The following PRAG1 variants were observed in gnomAD, a reference collection of about 807,000 sequenced individuals.
PRAG1 encodes PEAK1 related, kinase-activating pseudokinase 1, also known as inactive tyrosine-protein kinase PRAG1.
A neutral mutation model predicts 95.6 loss-of-function variants in PRAG1; 110 were observed. The observed-to-expected ratio is 1.15, with a 90% CI of 0.99 to 1.35. The LOEUF is 1.35. PRAG1 is among the 40% of genes most tolerant of loss of function. The pLI is 0.00. For synonymous variants in PRAG1, 1,052 were observed against 819.4 expected (o/e 1.28, Z -4.85); for missense variants, 2,554 against 1,864.7 (o/e 1.37, Z -6.81).
intron 2 of PRAG1, 116 bp from the exon 3 acceptor site, chr8:8,378,194 T>A: frequency 1.6e-6 from 2 of 1,241,944 alleles, no homozygotes; most frequent in East Asian, 5.0e-5. Context: ...TGTAGTGCAG[T>A]GCAGGGGCGC....
chr8:8,378,960 C>A lies in PRAG1; in HGVS notation c.331-882G>T, dbSNP rs555431705. ...GGAGGGTGAGGGGTGGTTTCTGAAC[C>A]GGATCAGGGTGAGGGGTGGTTTCTG... On this transcript the variant is annotated intron_variant, in intron 2 of 5. Coordinates refer to ENST00000615670, the MANE Select transcript of PRAG1 (RefSeq NM_001080826.3). 5.9e-4 allele frequency among the ~76,000 whole-genome samples: 88 copies of A among 149,628 alleles called. 1 individual carries two copies. In the Middle Eastern group the frequency reaches 0.025, roughly 43 times the overall value.
intron 3 of PRAG1, among the ~76,000 whole-genome samples, chr8:8,344,809 G>A (rs1463734786): frequency 6.6e-6 from 1 of 152,172 alleles, no homozygotes; most frequent in East Asian, 1.9e-4. Context: ...AACACAGTGG[G>A]ATTTCCATCA....
intron 5 of PRAG1, among the ~76,000 whole-genome samples, chr8:8,321,020 CA>C (rs1798455936): frequency 6.6e-6 from 1 of 152,244 alleles, no homozygotes; most frequent in South Asian, 2.1e-4. Flanking sequence ...CTTCCTATTA[CA>C]CTAACAAAAA....
At chr8:8,356,328 T>C (rs1799681111) in intron 3 of PRAG1, among the ~76,000 whole-genome samples, 1 of 152,102 alleles carries the variant, frequency 6.6e-6, no homozygotes, top group South Asian at 2.1e-4. Flanking sequence ...GAAATGTAAA[T>C]CATTATGAAA....
intron 3 of PRAG1, among the ~76,000 whole-genome samples, chr8:8,345,297 G>A (rs1001532455): frequency 5.3e-5 from 8 of 149,852 alleles, no homozygotes; most frequent in African/African-American, 4.9e-5. Flanking sequence ...TTAGGAGGCC[G>A]AGGTGGGAGG....
At position 8,358,774 on chromosome 8, in the gene PRAG1, G is replaced by T. The variant is rs1159428942; in HGVS notation, c.2162+17473C>A. ...ATCCCTTATGGGTGAAGTCCCTATT[G>T]CTTTGTCCTACCTCCACTGGCTGGA... is the stretch of plus-strand genomic sequence containing the variant. On this transcript the variant is annotated intron_variant, in intron 3 of 5. Coordinates refer to ENST00000615670, the MANE Select transcript of PRAG1 (RefSeq NM_001080826.3). Among the ~76,000 whole-genome samples, 4 of 152,332 alleles carry T rather than the reference G, an allele frequency of 2.6e-5. No individual in the cohort carries two copies. In the East Asian group the frequency reaches 7.7e-4, roughly 29 times the overall value.
At chr8:8,319,756 A>T (rs1339139825) in intron 5 of PRAG1, among the ~76,000 whole-genome samples, 1 of 152,234 alleles carries the variant, frequency 6.6e-6, no homozygotes, top group African/African-American at 2.4e-5. Flanking sequence ...GGAAAAAACA[A>T]ACAAACAAAC....
intron 4 of PRAG1, among the ~76,000 whole-genome samples, chr8:8,333,643 C>T (rs1160737368): frequency 6.6e-6 from 1 of 152,190 alleles, no homozygotes; most frequent in Non-Finnish European, 1.5e-5. Context: ...TTGTTCTCTG[C>T]AGCCAAAATG....
chr8:8,328,771 C>T (rs889805414), intron 4 of PRAG1, among the ~76,000 whole-genome samples: 4 of 150,214 alleles, frequency 2.7e-5, no homozygotes, highest in Non-Finnish European at 2.9e-5. Flanking sequence ...TGCCTGCACG[C>T]GTGCGCACAC....
In PRAG1 at chr8:8,381,472, G is replaced by A; in HGVS notation, c.276C>T (p.Ser92=). 6.2e-7 allele frequency: 1 copy of A among 1,614,250 alleles called. No individual in the cohort carries two copies. The highest frequency in any genetic ancestry group is 8.5e-7 in the Non-Finnish European group (1 of 1,180,046). ...PTIAVKPTMM[S]SEASDVWTEA... ...CTGTCCACACATCAGAGGCCTCGGAGCTCATCATGGTGGGCTTCACGGCAA... is the reference window on the plus strand; with the variant it reads ...CTGTCCACACATCAGAGGCCTCGGAACTCATCATGGTGGGCTTCACGGCAA... The change falls in exon 2 of 6, where the codon AGC becomes AGT. Residue 92 remains serine, a synonymous_variant. Coordinates refer to ENST00000615670, the MANE Select transcript of PRAG1 (RefSeq NM_001080826.3).
Position 8,376,328 on chromosome 8 carries a change from G to C in PRAG1, c.2081C>G (p.Ser694Cys), listed in dbSNP as rs372845746. The C allele has an allele frequency of 6.2e-7, 1 of 1,614,206 alleles. No individual in the cohort carries two copies. The highest frequency in any genetic ancestry group is 1.3e-5 in the African/African-American group (1 of 75,046). The change falls in exon 3 of 6, where the codon TCC (serine) becomes TGC (cysteine). Residue 694 changes from serine to cysteine, a missense_variant. By Grantham distance (112) the Ser-to-Cys change is moderately radical (BLOSUM62 -1). Coordinates refer to ENST00000615670, the MANE Select transcript of PRAG1 (RefSeq NM_001080826.3). ...NSKVGTGMSK[S>C]ASFAFEFPKD... ...GGGGAACTCAAAGGCAAAAGAGGCG[G>C]ATTTGCTCATCCCGGTCCCAACTTT...
At chr8:8,324,130 C>T (rs1033680501) in intron 5 of PRAG1, among the ~76,000 whole-genome samples, 2 of 152,202 alleles carry the variant, frequency 1.3e-5, no homozygotes, top group African/African-American at 2.4e-5. Context: ...CTGCTCTTGC[C>T]ATCTCGGCTG....
chr8:8,376,222 G>A, intron 3 of PRAG1, 25 bp downstream of exon 3: 1 of 1,602,024 alleles, frequency 6.2e-7, no homozygotes, highest in Non-Finnish European at 8.5e-7. Flanking sequence ...TGCAGACAGA[G>A]TCCCAGGCAG....
chr8:8,368,638 G>T (rs987904607), intron 3 of PRAG1, among the ~76,000 whole-genome samples: 9 of 152,100 alleles, frequency 5.9e-5, no homozygotes, highest in African/African-American at 2.2e-4. Context: ...CTACCAATTG[G>T]TGAGTTTCAC....
intron 3 of PRAG1, among the ~76,000 whole-genome samples, chr8:8,358,256 G>A (rs574438827): frequency 2.5e-4 from 38 of 152,320 alleles, no homozygotes; most frequent in African/African-American, 7.0e-4. Context: ...TGGGCAAGGC[G>A]TGTGGGAAGG....
In PRAG1 at chr8:8,333,907, G is replaced by C. The variant is rs536707610; in HGVS notation, c.2321-5446C>G. Among the ~76,000 whole-genome samples the C allele has an allele frequency of 4.6e-5, 7 of 152,328 alleles. No individual in the cohort carries two copies. In the East Asian group the frequency reaches 1.4e-3, roughly 29 times the overall value. On this transcript the variant is annotated intron_variant, in intron 4 of 5. Transcript: ENST00000615670. ...GCCCTAGTGCAATTCTCTCATGTGA[G>C]AGGTGAGAAAACTAAAGCCATCTGC...
At chr8:8,352,443 T>C (rs1011326133) in intron 3 of PRAG1, among the ~76,000 whole-genome samples, 4 of 152,182 alleles carry the variant, frequency 2.6e-5, no homozygotes, top group Non-Finnish European at 5.9e-5. Flanking sequence ...AGTTAATTCA[T>C]ACTACCTCTC....
intron 4 of PRAG1, among the ~76,000 whole-genome samples, chr8:8,338,499 A>G (rs1018274194): frequency 6.6e-6 from 1 of 152,244 alleles, no homozygotes; most frequent in African/African-American, 2.4e-5. Context: ...GGGAAAAGGA[A>G]GAAGATAAGA....
chr8:8,375,743 T>TCAAACA (rs1466173102), intron 3 of PRAG1, among the ~76,000 whole-genome samples: 1 of 151,946 alleles, frequency 6.6e-6, no homozygotes, highest in Admixed American at 6.6e-5. Context: ...TAGGCTGGTC[T>TCAAACA]CAAACACCTG....
Sources: allele counts gnomAD v4.1 joint callset (sites outside exome capture counted in the v4.1 genomes callset), GRCh38; gene constraint gnomAD v4.1.1; transcripts MANE v1.5; gene names NCBI Gene and HGNC (gene_info 2026-07-23, HGNC 2026-07-21).